Variants in PCDH9 observed in about 807,000 individuals in gnomAD.
PCDH9 encodes the protein protocadherin 9, also known as protocadherin-9.
PCDH9 carries 24 observed loss-of-function variants against 70.6 expected under a neutral mutation model. The ratio of observed to expected loss-of-function variants is 0.34; its 90% CI spans 0.25 to 0.48. PCDH9 has a LOEUF of 0.48. Ranked by LOEUF, PCDH9 falls within the 20% of genes least tolerant of loss-of-function variation. PCDH9 has a pLI of 0.99. For synonymous variants in PCDH9, 562 were observed against 558.5 expected (o/e 1.01, Z -0.09); for missense variants, 1,281 against 1,503.6 (o/e 0.85, Z 2.45).
chr13:66,858,811 G>C (rs1350062170), intron 3 of PCDH9, among the ~76,000 whole-genome samples: 1 of 151,972 alleles, frequency 6.6e-6, no homozygotes, highest in Non-Finnish European at 1.5e-5. Flanking sequence ...TCCTTGATTA[G>C]GTAACAACTC....
At chr13:66,426,364 A>G (rs1386135585) in intron 4 of PCDH9, among the ~76,000 whole-genome samples, 1 of 151,724 alleles carries the variant, frequency 6.6e-6, no homozygotes, top group East Asian at 1.9e-4. Context: ...TTTAAGCCAC[A>G]TCTAGAGAGG....
intron 2 of PCDH9, chr13:67,222,328 G>A (rs1197832815): frequency 2.1e-5 from 3 of 144,596 alleles, no homozygotes; most frequent in Non-Finnish European, 4.5e-5. Flanking sequence ...AAGGCTAATC[G>A]CACTTCCAAA....
At chr13:66,453,142 C>T (rs960805706) in intron 4 of PCDH9, among the ~76,000 whole-genome samples, 6 of 152,254 alleles carry the variant, frequency 3.9e-5, no homozygotes, top group African/African-American at 4.8e-5. Context: ...TTATAATACA[C>T]GACACTGTAT....
At chr13:66,554,948 C>A (rs892217491) in intron 4 of PCDH9, among the ~76,000 whole-genome samples, 1 of 151,976 alleles carries the variant, frequency 6.6e-6, no homozygotes. Context: ...GGCAGGCAGA[C>A]CACCTGAGGT....
At chr13:67,017,998 A>C (rs1338035094) in intron 2 of PCDH9, among the ~76,000 whole-genome samples, 1 of 152,204 alleles carries the variant, frequency 6.6e-6, no homozygotes, top group African/African-American at 2.4e-5. Flanking sequence ...ACACAGGCAC[A>C]TGTCTTTCTT....
At position 66,869,110 on chromosome 13, in the gene PCDH9, T is replaced by C. The variant is rs377716002; in HGVS notation, c.3138+34394A>G. Reference sequence around the variant, plus strand: ...AAATAAGCATACATTCAGTATCTTTTCTCAGTCAGTCATGGTTCAAGACTG... The same window carrying C: ...AAATAAGCATACATTCAGTATCTTTCCTCAGTCAGTCATGGTTCAAGACTG... On this transcript the variant is annotated intron_variant, in intron 3 of 4. Coordinates refer to ENST00000377865, the MANE Select transcript of PCDH9 (RefSeq NM_203487.3). Among the ~76,000 whole-genome samples, 115 of 152,320 alleles carry C rather than the reference T, an allele frequency of 7.5e-4. 2 individuals are homozygous for C. In the South Asian group the frequency reaches 0.024, roughly 31 times the overall value.
chr13:66,876,769 C>T (rs1594192861), intron 3 of PCDH9: 1 of 152,054 alleles, frequency 6.6e-6, no homozygotes, highest in East Asian at 1.9e-4. Context: ...AAAATGCAAC[C>T]TTATAGTAAA....
intron 3 of PCDH9, among the ~76,000 whole-genome samples, chr13:66,846,137 A>AAG (rs68136033): frequency 4.9e-5 from 1 of 20,558 alleles, no homozygotes; most frequent in Non-Finnish European, 7.9e-5. Context: ...AAAAAAGACC[A>AAG]AAAAAAAAAA....
At chr13:66,762,383 T>C (rs536679689) in intron 3 of PCDH9, among the ~76,000 whole-genome samples, 27 of 152,126 alleles carry the variant, frequency 1.8e-4, no homozygotes, top group Non-Finnish European at 3.1e-4. Context: ...TCAGAGTCCA[T>C]AGGTGTCTGC....
chr13:66,408,608 C>G (rs1957322479), intron 4 of PCDH9, among the ~76,000 whole-genome samples: 1 of 152,122 alleles, frequency 6.6e-6, no homozygotes, highest in African/African-American at 2.4e-5. Context: ...TGGATAGCTC[C>G]TTGTGAATGC....
chr13:66,446,824 C>T (rs968004246), intron 4 of PCDH9, among the ~76,000 whole-genome samples: 6 of 151,998 alleles, frequency 3.9e-5, no homozygotes, highest in African/African-American at 1.2e-4. Flanking sequence ...TTTATTCTAA[C>T]GTCCAGTCAT....
At chr13:66,349,296 T>C (rs184508848) in intron 4 of PCDH9, among the ~76,000 whole-genome samples, 42 of 152,272 alleles carry the variant, frequency 2.8e-4, no homozygotes, top group Non-Finnish European at 4.7e-4. Flanking sequence ...AGGGGTGATT[T>C]AAAGCATACG....
chr13:66,575,436 C>A (rs1467162482), intron 4 of PCDH9, among the ~76,000 whole-genome samples: 3 of 152,040 alleles, frequency 2.0e-5, no homozygotes, highest in Non-Finnish European at 4.4e-5. Context: ...CCATCAGGAT[C>A]TACTCAAAAA....
intron 2 of PCDH9, among the ~76,000 whole-genome samples, chr13:67,184,991 C>T (rs2088715008): frequency 6.6e-6 from 1 of 152,178 alleles, no homozygotes; most frequent in Non-Finnish European, 1.5e-5. Flanking sequence ...AGACTTGTCA[C>T]ATACTACCTT....
chr13:66,986,666 T>A (rs1305893416), intron 2 of PCDH9, among the ~76,000 whole-genome samples: 1 of 151,996 alleles, frequency 6.6e-6, no homozygotes, highest in Non-Finnish European at 1.5e-5. Flanking sequence ...TAGCAGACTT[T>A]CAATAATGAT....
intron 4 of PCDH9, among the ~76,000 whole-genome samples, chr13:66,513,382 T>G (rs1273753261): frequency 6.6e-6 from 1 of 152,092 alleles, no homozygotes; most frequent in Non-Finnish European, 1.5e-5. Flanking sequence ...TTAAGCTACT[T>G]TAATAGTTTC....
At chr13:66,551,442 C>T (rs1266260989) in intron 4 of PCDH9, among the ~76,000 whole-genome samples, 1 of 152,056 alleles carries the variant, frequency 6.6e-6, no homozygotes, top group Non-Finnish European at 1.5e-5. Context: ...CAGGTGGCAA[C>T]ATAGGGGAAA....
chr13:66,833,392 G>C (rs901233230), intron 3 of PCDH9, among the ~76,000 whole-genome samples: 1 of 152,032 alleles, frequency 6.6e-6, no homozygotes, highest in Non-Finnish European at 1.5e-5. Flanking sequence ...TGACATGCCA[G>C]CTCCTCCATA....
intron 3 of PCDH9, among the ~76,000 whole-genome samples, chr13:66,760,278 T>C (rs904669572): frequency 3.3e-5 from 5 of 152,286 alleles, no homozygotes; most frequent in African/African-American, 7.2e-5. Context: ...TTCAGGACCC[T>C]ATATTTGTCT....
Sources: allele counts gnomAD v4.1 joint callset (sites outside exome capture counted in the v4.1 genomes callset), GRCh38; gene constraint gnomAD v4.1.1; transcripts MANE v1.5; gene names NCBI Gene and HGNC (gene_info 2026-07-23, HGNC 2026-07-21).